Variants in GOLM1 observed in about 807,000 individuals in gnomAD.
GOLM1 encodes epididymis luminal protein 46.
In GOLM1, 31 loss-of-function variants were observed where a neutral mutation model predicts 50.5. That is an observed-to-expected ratio of 0.61 (90% CI 0.46 to 0.83). GOLM1 has a LOEUF of 0.83. Among genes scored for constraint, GOLM1 ranks in the 40% least tolerant of loss-of-function variants. GOLM1 has a pLI of 0.00. For missense variants in GOLM1, 491 were observed against 501.3 expected (o/e 0.98, Z 0.20); for synonymous variants, 178 against 192.8 (o/e 0.92, Z 0.64).
chr9:86,043,841 T>C (rs1833442837), intron 5 of GOLM1, among the ~76,000 whole-genome samples: 2 of 152,242 alleles, frequency 1.3e-5, no homozygotes, highest in African/African-American at 4.8e-5. Context: ...CACTGGATCC[T>C]GACTGATTGC....
chr9:86,031,482 A>G (rs1832982332), intron 9 of GOLM1, among the ~76,000 whole-genome samples: 1 of 115,548 alleles, frequency 8.7e-6, no homozygotes, highest in Non-Finnish European at 1.7e-5. Context: ...TTTCCCCGAG[A>G]CGGAGTTTCA....
chr9:86,060,241 G>C (rs1342346319), intron 3 of GOLM1, among the ~76,000 whole-genome samples: 1 of 152,096 alleles, frequency 6.6e-6, no homozygotes, highest in Non-Finnish European at 1.5e-5. Flanking sequence ...CCTGCAGCTA[G>C]GGACAGCAAG....
intron 1 of GOLM1, among the ~76,000 whole-genome samples, chr9:86,085,603 T>C (rs1012639870): frequency 6.6e-6 from 1 of 152,104 alleles, no homozygotes; most frequent in Non-Finnish European, 1.5e-5. Context: ...TACATTTAGT[T>C]ACTTCTCCTA....
chr9:86,083,231 C>G (rs539527651), intron 1 of GOLM1, among the ~76,000 whole-genome samples: 13 of 152,320 alleles, frequency 8.5e-5, no homozygotes, highest in African/African-American at 3.1e-4. Context: ...CCAGGCACAT[C>G]CTCCTCTAGG....
At chr9:86,095,796 G>A (rs1199351421) in intron 1 of GOLM1, among the ~76,000 whole-genome samples, 1 of 152,188 alleles carries the variant, frequency 6.6e-6, no homozygotes, top group Non-Finnish European at 1.5e-5. Flanking sequence ...CCTGGCAGGT[G>A]ACTCCTGGTT....
intron 3 of GOLM1, among the ~76,000 whole-genome samples, chr9:86,059,494 T>C (rs145766853): frequency 0.01 from 1,577 of 152,146 alleles, 20 homozygotes; most frequent in African/African-American, 0.032. Context: ...ACGTCCAGAA[T>C]AGGCAGATCT....
Position 86,079,194 on chromosome 9 carries a change from G to A in GOLM1, c.127C>T (p.Gln43Ter). ...WIASSRSVDL[Q>*]TRIMELEGRV... The stretch of plus-strand genomic sequence containing the variant: ...TAACAATAAAGAAAACAAAACACCT[G>A]GAGGTCCACGCTCCGGGAGCTCGCA... Residue 43 changes from glutamine to a stop codon, truncating the protein, a stop_gained and splice_region_variant, in exon 2 of 10, where the codon CAG (glutamine) becomes TAG (stop). Transcript: ENST00000388712. LOFTEE classifies it high-confidence loss of function. The A allele has an allele frequency of 6.4e-7, 1 of 1,564,056 alleles. No individual in the cohort carries two copies. Among genetic ancestry groups the A allele is most frequent in the Non-Finnish European group, 8.6e-7 (1 of 1,156,902 alleles).
intron 1 of GOLM1, among the ~76,000 whole-genome samples, chr9:86,095,194 T>G (rs1412018787): frequency 1.3e-5 from 2 of 152,148 alleles, no homozygotes; most frequent in African/African-American, 4.8e-5. Flanking sequence ...CATCTATTTT[T>G]GTACACTGCC....
intron 3 of GOLM1, among the ~76,000 whole-genome samples, chr9:86,055,128 C>A (rs73653513): frequency 6.7e-4 from 102 of 152,304 alleles, no homozygotes; most frequent in Middle Eastern, 3.4e-3. Flanking sequence ...GATGCATGCC[C>A]ACAAATGAAA....
At chr9:86,059,899 C>CAAA (rs139699884) in intron 3 of GOLM1, among the ~76,000 whole-genome samples, 16 of 52,440 alleles carry the variant, frequency 3.1e-4, no homozygotes, top group Middle Eastern at 0.019. Flanking sequence ...GAGTCTATCT[C>CAAA]AAAAAAAAAA....
intron 1 of GOLM1, among the ~76,000 whole-genome samples, chr9:86,096,176 G>C (rs529322333): frequency 1.5e-3 from 172 of 114,788 alleles, no homozygotes; most frequent in Non-Finnish European, 2.3e-3. Flanking sequence ...CTGCTCGATA[G>C]GTTTTTTTTT....
chr9:86,082,380 C>CT (rs1490238786), intron 1 of GOLM1, among the ~76,000 whole-genome samples: 12 of 88,000 alleles, frequency 1.4e-4, no homozygotes, highest in African/African-American at 5.9e-4. Flanking sequence ...TCTTTTCTTT[C>CT]CTTTTTTTTT....
chr9:86,065,352 C>G (rs565917384), intron 3 of GOLM1, among the ~76,000 whole-genome samples: 13 of 152,230 alleles, frequency 8.5e-5, no homozygotes, highest in Admixed American at 2.6e-4. Context: ...GAACTGGACC[C>G]GGAAAATCGG....
intron 5 of GOLM1, among the ~76,000 whole-genome samples, chr9:86,045,689 A>G (rs1444520921): frequency 6.6e-6 from 1 of 150,404 alleles, no homozygotes; most frequent in Non-Finnish European, 1.5e-5. Flanking sequence ...AAAAAAAAAA[A>G]GTATATACAC....
chr9:86,089,584 C>T (rs1040413008), intron 1 of GOLM1, among the ~76,000 whole-genome samples: 10 of 152,044 alleles, frequency 6.6e-5, no homozygotes, highest in African/African-American at 2.4e-4. Flanking sequence ...ACGAAGTTCT[C>T]GTGCTGTGTT....
chr9:86,031,871 A>T (rs1832993813), intron 9 of GOLM1, among the ~76,000 whole-genome samples: 1 of 148,822 alleles, frequency 6.7e-6, no homozygotes, highest in Admixed American at 6.8e-5. Context: ...GGTTGCAGTC[A>T]GCCAAGATCG....
In GOLM1 at chr9:86,040,665, G is replaced by A. The variant is rs1369599032; in HGVS notation, c.597+74C>T. 11 of 1,395,742 alleles carry A rather than the reference G, an allele frequency of 7.9e-6. No individual in the cohort carries two copies. The East Asian group carries it at 1.8e-4, about 23-fold the overall frequency. 86.5% of individuals were successfully genotyped at this position (1,395,742 alleles called of 1,614,324 possible). ...GGGCAGAATCCAGAGAAAGCCAGGC[G>A]GCACATAAAAGAAACAAAATGCCTG... On this transcript the variant is annotated intron_variant, in intron 6 of 9. Transcript: ENST00000388712.
intron 3 of GOLM1, among the ~76,000 whole-genome samples, chr9:86,057,228 A>G (rs1024535960): frequency 7.9e-5 from 12 of 152,240 alleles, no homozygotes; most frequent in African/African-American, 2.9e-4. Flanking sequence ...ATTTGGATCA[A>G]ACTTTTTCTG....
rs144969769 is a variant in GOLM1 at position 86,077,537 on chromosome 9, C to T, written c.184G>A (p.Ala62Thr). ...AACTCGTTCTTCTTCAGCTCCACGG[C>T]GCCTCTCTCTGCAGCCGCCCTGCGG... ...RVRRAAAERG[A>T]VELKKNEFQG... is the part of the protein sequence containing the mutation. Residue 62 changes from alanine (A) to threonine (T), a missense_variant, in exon 3 of 10, where the codon GCC becomes ACC. Ala to Thr is a moderately conservative substitution (Grantham distance 58). Coordinates refer to ENST00000388712, the MANE Select transcript of GOLM1 (RefSeq NM_016548.4). 6.8e-6 allele frequency: 11 copies of T among 1,613,126 alleles called. No homozygotes were observed. The highest frequency in any genetic ancestry group is 2.7e-5 in the African/African-American group (2 of 74,912).
Sources: allele counts gnomAD v4.1 joint callset (sites outside exome capture counted in the v4.1 genomes callset), GRCh38; gene constraint gnomAD v4.1.1; transcripts MANE v1.5; gene names NCBI Gene and HGNC (gene_info 2026-07-23, HGNC 2026-07-21).